Variants in RPA3 observed in about 807,000 individuals in gnomAD.
RPA3 encodes replication protein A3.
Under a neutral mutation model 13.7 loss-of-function variants are expected in RPA3, and 24 were observed. That is an observed-to-expected ratio of 1.75 (90% confidence interval 1.27 to 2.46). RPA3 has a LOEUF of 2.46. Among genes scored for constraint, RPA3 ranks in the 30% most tolerant of loss-of-function variants. The probability of loss-of-function intolerance (pLI) is 0.00; values close to 1 mark genes in which losing one functional copy is unlikely to be tolerated. For missense variants in RPA3, 183 were observed against 151.0 expected (o/e 1.21, Z -1.11); for synonymous variants, 59 against 51.2 (o/e 1.15, Z -0.65).
chr7:7,663,626 A>T (rs1296395024), intron 4 of RPA3, among the ~76,000 whole-genome samples: 1 of 152,234 alleles, frequency 6.6e-6, no homozygotes, highest in African/African-American at 2.4e-5. Flanking sequence ...TCTGTTAAAT[A>T]CTGAACTTGT....
intron 4 of RPA3, among the ~76,000 whole-genome samples, chr7:7,668,281 T>C (rs748627475): frequency 1.4e-4 from 21 of 152,172 alleles, no homozygotes; most frequent in South Asian, 8.3e-4. Context: ...GTAAGGATTA[T>C]AGGAGATAGA....
chr7:7,637,644 T>G (rs1241338131), intron 7 of RPA3, among the ~76,000 whole-genome samples: 2 of 151,028 alleles, frequency 1.3e-5, no homozygotes, highest in Non-Finnish European at 3.0e-5. Context: ...TAATACAAAA[T>G]GTATGTTAAA....
intron 4 of RPA3, among the ~76,000 whole-genome samples, chr7:7,663,235 G>A (rs1785520256): frequency 6.7e-6 from 1 of 148,912 alleles, no homozygotes; most frequent in Admixed American, 6.8e-5. Context: ...CCACTCAAGG[G>A]TTGGAACTTG....
At chr7:7,641,245 G>A (rs1276788689) in intron 4 of RPA3, 70 bp from the exon 5 acceptor site, 1 of 152,222 alleles carries the variant, frequency 6.6e-6, no homozygotes, top group African/African-American at 2.4e-5. Context: ...CACTGCGGAG[G>A]CGCCGGTTCT....
chr7:7,640,007 T>C, intron 5 of RPA3: 1 of 367,830 alleles, frequency 2.7e-6, no homozygotes. Flanking sequence ...CACGTCTGAG[T>C]AAACTAAGAA....
intron 1 of RPA3, among the ~76,000 whole-genome samples, chr7:7,718,144 G>A (rs902025395): frequency 2.0e-5 from 3 of 152,134 alleles, no homozygotes; most frequent in African/African-American, 4.8e-5. Flanking sequence ...AGTAAAACTG[G>A]TATTAATTTG....
chr7:7,638,063 C>T (rs1784895035), intron 6 of RPA3, 91 bp from the exon 7 acceptor site: 1 of 817,528 alleles, frequency 1.2e-6, no homozygotes, highest in East Asian at 2.6e-5. Flanking sequence ...ACTAATCTAT[C>T]ACTTCAAGTA....
intron 4 of RPA3, among the ~76,000 whole-genome samples, chr7:7,649,508 A>G (rs1785174225): frequency 6.6e-6 from 1 of 152,218 alleles, no homozygotes; most frequent in Non-Finnish European, 1.5e-5. Context: ...TTTGGGGAAC[A>G]TATTCAAACC....
chr7:7,713,470 C>T lies in RPA3; in HGVS notation c.-1028+1705G>A, dbSNP rs566009133. ...GGGATTTTCATTATGTTCTGCTCCT[C>T]CCCCCCATGGCAATATTGTTTATTT... On this transcript the variant is annotated intron_variant, in intron 2 of 7. Transcript: ENST00000223129. 1.5e-3 allele frequency among the ~76,000 whole-genome samples: 226 copies of T among 151,398 alleles called. 1 individual carries two copies. Among genetic ancestry groups the T allele is most frequent in the African/African-American group, 5.3e-3 (219 of 41,264 alleles).
At chr7:7,665,108 A>G (rs1030944049) in intron 4 of RPA3, among the ~76,000 whole-genome samples, 2 of 152,232 alleles carry the variant, frequency 1.3e-5, no homozygotes, top group Non-Finnish European at 1.5e-5. Context: ...TCTATTTGAT[A>G]TATTTACATT....
chr7:7,712,657 G>C (rs1228649440), intron 2 of RPA3, among the ~76,000 whole-genome samples: 1 of 152,004 alleles, frequency 6.6e-6, no homozygotes, highest in East Asian at 1.9e-4. Context: ...AAATCCTTGT[G>C]GTTTCATTTT....
chr7:7,678,664 T>C (rs1298383895), intron 4 of RPA3, among the ~76,000 whole-genome samples: 2 of 127,208 alleles, frequency 1.6e-5, no homozygotes, highest in African/African-American at 3.1e-5. Context: ...ATATTTAGTT[T>C]ATAAATATAT....
At chr7:7,664,882 T>C (rs13221027) in intron 4 of RPA3, among the ~76,000 whole-genome samples, 97,302 of 152,046 alleles carry the variant, frequency 0.64, 31,549 homozygotes, top group East Asian at 0.86. Flanking sequence ...ATTTGCATAA[T>C]CATGCATTTC....
At chr7:7,687,172 G>A (rs1393165610) in intron 3 of RPA3, 56 bp downstream of exon 3, 1 of 152,116 alleles carries the variant, frequency 6.6e-6, no homozygotes, top group African/African-American at 2.4e-5. Flanking sequence ...ATAGTATTTG[G>A]ATTCTATTTA....
intron 4 of RPA3, among the ~76,000 whole-genome samples, chr7:7,663,946 G>C (rs1490422523): frequency 6.6e-6 from 1 of 152,126 alleles, no homozygotes; most frequent in East Asian, 1.9e-4. Flanking sequence ...GAATTCTAAA[G>C]TATTAAACAA....
At position 7,672,671 on chromosome 7, in the gene RPA3, G is replaced by T. The variant is rs1355520537; in HGVS notation, c.-758+13159C>A. On this transcript the variant is annotated intron_variant, in intron 4 of 7. Transcript: ENST00000223129. ...GCACTCATTCTCTCCCTGTCGTCCT[G>T]TGAGGAGGTGACTTCCCCTATGCTT... is the stretch of plus-strand genomic sequence containing the variant. Among the ~76,000 whole-genome samples, 3 of 152,174 alleles carry T rather than the reference G, an allele frequency of 2.0e-5. No individual in the cohort carries two copies. The South Asian group carries it at 6.2e-4, about 31-fold the overall frequency.
chr7:7,709,142 A>G (rs1189767561), intron 2 of RPA3, among the ~76,000 whole-genome samples: 1 of 152,174 alleles, frequency 6.6e-6, no homozygotes, highest in Non-Finnish European at 1.5e-5. Flanking sequence ...GGGATTTTGT[A>G]ATGGTTAAAT....
intron 4 of RPA3, chr7:7,673,529 G>T: frequency 3.1e-6 from 2 of 651,856 alleles, no homozygotes; most frequent in Non-Finnish European, 5.5e-6. Context: ...TTATATGATT[G>T]ATTTTAAATT....
At chr7:7,685,268 A>G (rs1202341735) in intron 4 of RPA3, among the ~76,000 whole-genome samples, 2 of 150,866 alleles carry the variant, frequency 1.3e-5, no homozygotes, top group African/African-American at 4.9e-5. Context: ...CATGCAACCA[A>G]TGCATATTAT....
Sources: gnomAD v4.1 joint callset for allele counts (sites outside exome capture counted in the v4.1 genomes callset) on GRCh38, gnomAD v4.1.1 for gene constraint, MANE v1.5 for transcripts, NCBI Gene and HGNC (gene_info 2026-07-23, HGNC 2026-07-21) for gene names.